Variants in RECQL observed in about 807,000 individuals in gnomAD.
RECQL encodes the protein RecQ like helicase.
Under a neutral mutation model 75.8 loss-of-function variants are expected in RECQL, and 73 were observed. That is an observed-to-expected ratio of 0.96 (90% CI 0.80 to 1.17). The LOEUF (loss-of-function observed/expected upper bound fraction) is 1.17, where lower values mean the gene tolerates loss of function less well. Ranked by LOEUF, RECQL falls within the 50% of genes most tolerant of loss-of-function variation. RECQL has a pLI of 0.00. For missense variants in RECQL, 699 were observed against 772.1 expected, an observed-to-expected ratio of 0.91 and a Z score of 1.12; for synonymous variants, 248 against 254.4, an observed-to-expected ratio of 0.97 and a Z score of 0.24.
At chr12:21,488,204 G>A (rs532330128) in intron 4 of RECQL, among the ~76,000 whole-genome samples, 1 of 152,196 alleles carries the variant, frequency 6.6e-6, no homozygotes, top group South Asian at 2.1e-4. Context: ...ACATCCTTAC[G>A]TATTTGACAT....
intron 2 of RECQL, among the ~76,000 whole-genome samples, chr12:21,492,882 G>A (rs1943439686): frequency 1.3e-5 from 2 of 152,166 alleles, no homozygotes; most frequent in African/African-American, 4.8e-5. Flanking sequence ...TCCTAACTTT[G>A]TCCTCATGAA....
At chr12:21,490,152 A>C (rs765837249) in intron 4 of RECQL, 47 bp downstream of exon 4, 2 of 1,064,732 alleles carry the variant, frequency 1.9e-6, no homozygotes, top group Non-Finnish European at 2.7e-6. Flanking sequence ...AAAAGGTATG[A>C]TGACAAAGCA....
At chr12:21,489,462 C>A (rs1943367696) in intron 4 of RECQL, among the ~76,000 whole-genome samples, 2 of 152,200 alleles carry the variant, frequency 1.3e-5, no homozygotes, top group Admixed American at 1.3e-4. Flanking sequence ...AGAATCTGCA[C>A]ATAATCAAAT....
At position 21,471,428 on chromosome 12, in the gene RECQL, T is replaced by G. The variant is rs1262530086; in HGVS notation, c.1667A>C (p.Lys556Thr). Residue 556 changes from lysine (K) to threonine (T), a missense_variant and splice_region_variant, in exon 13 of 15, where the codon AAA becomes ACA. Coordinates refer to ENST00000444129, the MANE Select transcript of RECQL (RefSeq NM_002907.4). Reference protein sequence around the residue: ...IAHFLIQQYLKEDYSFTAYAT... With the variant: ...IAHFLIQQYLTEDYSFTAYAT... ...GAATAATGAATGAGTTTGTACATAC[T>G]TAAGATACTGCTGTATTAGAAAGTG... 6.2e-7 allele frequency: 1 copy of G among 1,609,368 alleles called. No individual in the cohort carries two copies. Among genetic ancestry groups the G allele is most frequent in the Non-Finnish European group, 8.5e-7 (1 of 1,176,566 alleles).
chr12:21,470,454 T>G lies in RECQL; in HGVS notation c.1798-108A>C, dbSNP rs1449281470. The G allele has an allele frequency of 8.9e-6, 11 of 1,232,950 alleles. No homozygotes were observed. The East Asian group carries it at 2.9e-4, about 32-fold the overall frequency. 76.4% of individuals were successfully genotyped at this position (1,232,950 alleles called of 1,614,324 possible). A position where few individuals can be genotyped will look rare whatever the true frequency, so the allele number is the denominator to read the frequency against. On this transcript the variant is annotated intron_variant, in intron 14 of 14. Coordinates refer to ENST00000444129, the MANE Select transcript of RECQL (RefSeq NM_002907.4). ...AATATTCTTTCTGTATCAGTTGGCTTTTTAAGTATACAGGGGTCTAGTTTT... is the reference window on the plus strand; with the variant it reads ...AATATTCTTTCTGTATCAGTTGGCTGTTTAAGTATACAGGGGTCTAGTTTT...
chr12:21,483,717 C>A, intron 5 of RECQL, 143 bp from the exon 6 acceptor site: 1 of 624,482 alleles, frequency 1.6e-6, no homozygotes, highest in Non-Finnish European at 2.7e-6. Context: ...TTCATTAAAA[C>A]TGAAACCATG....
chr12:21,483,736 C>T lies in RECQL; in HGVS notation c.502-162G>A, dbSNP rs113080452. Among the ~76,000 whole-genome samples the T allele has an allele frequency of 5.4e-3, 821 of 152,088 alleles. 8 individuals are homozygous for T. The highest frequency in any genetic ancestry group is 0.019 in the African/African-American group (772 of 41,482). On this transcript the variant is annotated intron_variant, in intron 5 of 14. Coordinates refer to ENST00000444129, the MANE Select transcript of RECQL (RefSeq NM_002907.4). The stretch of plus-strand genomic sequence containing the variant: ...TTAAAACTGAAACCATGTCTCAGTA[C>T]GAAACATCATGGCAGCTGTGTAAAT...
At chr12:21,492,746 C>A (rs78096884) in intron 2 of RECQL, among the ~76,000 whole-genome samples, 4,541 of 152,302 alleles carry the variant, frequency 0.03, 96 homozygotes, top group Middle Eastern at 0.058. Flanking sequence ...GGGGCAGAAG[C>A]CAGTTCCCCC....
In RECQL at chr12:21,469,280, C is replaced by CTT. The variant is rs1942866931; in HGVS notation, c.*913_*914insAA. On this transcript the variant is annotated 3_prime_UTR_variant, in exon 15 of 15. Transcript: ENST00000444129. The stretch of plus-strand genomic sequence containing the variant: ...TGAAATCATCTACAAGCTTGTCCAA[C>CTT]TCTAGCCCACGGGTCTAATGCAGCC... 6.5e-6 allele frequency: 1 copy of CTT among 154,770 alleles called. No homozygotes were observed. The highest frequency in any genetic ancestry group is 2.4e-5 in the African/African-American group (1 of 41,414). The allele number at this position is 154,770 out of a possible 1,614,324, so 9.6% of individuals were successfully genotyped here. A position where few individuals can be genotyped will look rare whatever the true frequency, so the allele number is the denominator to read the frequency against.
At chr12:21,485,271 A>G (rs1565570290) in intron 5 of RECQL, among the ~76,000 whole-genome samples, 1 of 151,258 alleles carries the variant, frequency 6.6e-6, no homozygotes, top group African/African-American at 2.4e-5. Flanking sequence ...AGATCTAACT[A>G]AAAGGATCCA....
intron 2 of RECQL, among the ~76,000 whole-genome samples, chr12:21,494,819 T>C (rs1416838776): frequency 6.6e-6 from 1 of 152,226 alleles, no homozygotes; most frequent in African/African-American, 2.4e-5. Flanking sequence ...CTGGCTGTTC[T>C]CTGTAAGCTA....
At position 21,491,657 on chromosome 12, in the gene RECQL, G is replaced by C; in HGVS notation, c.76C>G (p.Gln26Glu). The change falls in exon 3 of 15, where the codon CAA (glutamine) becomes GAA (glutamate). Residue 26 changes from glutamine (Q) to glutamate (E), a missense_variant. Coordinates refer to ENST00000444129, the MANE Select transcript of RECQL (RefSeq NM_002907.4). ...SELHAVEIQI[Q>E]ELTERQQELI... ...TCTTGTTGCCTTTCCGTAAGTTCTT[G>C]AATTTGAATTTCTACTGCATGTAGC... The C allele has an allele frequency of 6.2e-7, 1 of 1,613,484 alleles. No individual in the cohort carries two copies. The highest frequency in any genetic ancestry group is 8.5e-7 in the Non-Finnish European group (1 of 1,179,822).
At chr12:21,492,617 G>C (rs1943434881) in intron 2 of RECQL, among the ~76,000 whole-genome samples, 1 of 152,242 alleles carries the variant, frequency 6.6e-6, no homozygotes, top group Non-Finnish European at 1.5e-5. Flanking sequence ...CTCTGCATGA[G>C]ATTTACAAGG....
chr12:21,499,350 A>T (rs879907932), intron 2 of RECQL, among the ~76,000 whole-genome samples: 1 of 152,222 alleles, frequency 6.6e-6, no homozygotes, highest in African/African-American at 2.4e-5. Flanking sequence ...TGACGACTGC[A>T]CAACAGTCTA....
chr12:21,484,770 T>TAC (rs397759354), intron 5 of RECQL, among the ~76,000 whole-genome samples: 22 of 151,944 alleles, frequency 1.4e-4, no homozygotes, highest in South Asian at 4.2e-4. Context: ...TATATATATA[T>TAC]GATTCCAAAG....
rs1222303608 is a variant in RECQL at position 21,483,438 on chromosome 12, A to C, written c.638T>G (p.Phe213Cys). The C allele has an allele frequency of 3.1e-6, 5 of 1,606,522 alleles. No individual in the cohort carries two copies. The highest frequency in any genetic ancestry group is 2.2e-5 in the South Asian group (2 of 89,652). The change falls in exon 6 of 15, where the codon TTT becomes TGT. Residue 213 changes from phenylalanine (F) to cysteine (C), a missense_variant. Transcript: ENST00000444129. Reference sequence around the variant, plus strand: ...AACTTCATCCACAGCAATTCGAGTAAATCTCCTTGCTTCATAGGCTTTCTC... The same window carrying C: ...AACTTCATCCACAGCAATTCGAGTACATCTCCTTGCTTCATAGGCTTTCTC... ...RLEKAYEARR[F>C]TRIAVDEVHC...
chr12:21,470,275 G>GAAGT lies in RECQL; in HGVS notation c.1865_1868dup (p.Phe623LeufsTer16), dbSNP rs1942905523. The stretch of plus-strand genomic sequence containing the variant: ...GAAGCATGTTTGCAGCCTTCTTCTG[G>GAAGT]AAGTTGCCTGAATTTTTTTCCTCCA... On this transcript the variant is annotated frameshift_variant, in exon 15 of 15. Transcript: ENST00000444129. LOFTEE classifies it high-confidence loss of function. The GAAGT allele has an allele frequency of 6.2e-7, 1 of 1,605,320 alleles. No individual in the cohort carries two copies. The highest frequency in any genetic ancestry group is 1.4e-5 in the African/African-American group (1 of 73,364).
In RECQL at chr12:21,491,792, G is replaced by A. The variant is rs7306899; in HGVS notation, c.17-76C>T. The stretch of plus-strand genomic sequence containing the variant: ...TAGGTTTCCAGATTGATTTCTGGGT[G>A]TTGCCCGCCATATCAATTACAGACA... On this transcript the variant is annotated intron_variant, in intron 2 of 14. Transcript: ENST00000444129. 12,561 of 1,277,520 alleles carry A rather than the reference G, an allele frequency of 9.8e-3. 252 individuals are homozygous for A. The highest frequency in any genetic ancestry group is 0.076 in the African/African-American group (5,081 of 66,596). The allele number at this position is 1,277,520 out of a possible 1,614,324, so 79.1% of individuals were successfully genotyped here.
intron 8 of RECQL, among the ~76,000 whole-genome samples, chr12:21,476,456 CATGTAT>C (rs1373337349): frequency 1.3e-5 from 2 of 151,990 alleles, no homozygotes; most frequent in Non-Finnish European, 2.9e-5. Flanking sequence ...CCCAGAAAAC[CATGTAT>C]ATATACTCAC....
Sources: allele counts gnomAD v4.1 joint callset (sites outside exome capture counted in the v4.1 genomes callset), GRCh38; gene constraint gnomAD v4.1.1; transcripts MANE v1.5; gene names NCBI Gene and HGNC (gene_info 2026-07-23, HGNC 2026-07-21).